SPINT2: variants seen among roughly 807,000 people sequenced by gnomAD.
SPINT2 encodes the protein serine peptidase inhibitor, Kunitz type 2, also known as kunitz-type protease inhibitor 2.
Under a neutral mutation model 30.1 loss-of-function variants are expected in SPINT2, and 18 were observed. That is an observed-to-expected ratio of 0.60 (90% CI 0.41 to 0.89). SPINT2 has a LOEUF of 0.89. SPINT2 is among the 40% of genes least tolerant of loss of function. The pLI, the probability that SPINT2 is intolerant of heterozygous loss-of-function variation, is 0.00. For missense variants in SPINT2, 276 were observed against 334.3 expected (o/e 0.83, Z 1.36); for synonymous variants, 139 against 137.9 (o/e 1.01, Z -0.05).
intron 2 of SPINT2, 127 bp from the exon 3 acceptor site, chr19:38,287,749 A>G (rs1166601665): frequency 5.0e-6 from 5 of 992,206 alleles, no homozygotes; most frequent in Non-Finnish European, 6.5e-6. Context: ...TCTGGCATGC[A>G]CATTGAAGGT....
chr19:38,285,933 C>G (rs1263867684), intron 2 of SPINT2, among the ~76,000 whole-genome samples: 1 of 152,166 alleles, frequency 6.6e-6, no homozygotes, highest in Non-Finnish European at 1.5e-5. Context: ...AGGAAGGGAG[C>G]TGAAGTGTTG....
intron 1 of SPINT2, among the ~76,000 whole-genome samples, chr19:38,269,172 A>G (rs1264429948): frequency 2.0e-5 from 3 of 151,746 alleles, no homozygotes; most frequent in African/African-American, 7.3e-5. Flanking sequence ...ATCTCAGCTC[A>G]CTGCAATCTC....
intron 1 of SPINT2, among the ~76,000 whole-genome samples, chr19:38,275,522 G>A (rs906346436): frequency 2.0e-5 from 3 of 151,814 alleles, no homozygotes; most frequent in South Asian, 2.1e-4. Context: ...ATGGGGTTTC[G>A]CCATGATAGC....
intron 1 of SPINT2, among the ~76,000 whole-genome samples, chr19:38,269,898 C>CAT (rs1448274479): frequency 6.6e-6 from 1 of 152,192 alleles, no homozygotes; most frequent in Non-Finnish European, 1.5e-5. Context: ...CGTGAGCCAC[C>CAT]GCGCCCGGCC....
chr19:38,274,823 A>AAC lies in SPINT2; in HGVS notation c.107-8803_107-8802insCA, dbSNP rs1555715730. 2.0e-5 allele frequency among the ~76,000 whole-genome samples: 3 copies of AAC among 151,940 alleles called. No individual in the cohort carries two copies. The East Asian group carries it at 5.8e-4, about 29-fold the overall frequency. ...GAGTGAGACTGTCTTAAAAAAAAAAAAAAACATAAAATGGAGAGGTAGACC... is the reference window on the plus strand; with the variant it reads ...GAGTGAGACTGTCTTAAAAAAAAAAAACAAAACATAAAATGGAGAGGTAGACC... On this transcript the variant is annotated intron_variant, in intron 1 of 6. Coordinates refer to ENST00000301244, the MANE Select transcript of SPINT2 (RefSeq NM_021102.4).
chr19:38,267,824 G>T (rs1369428196), intron 1 of SPINT2, among the ~76,000 whole-genome samples: 1 of 152,102 alleles, frequency 6.6e-6, no homozygotes, highest in Admixed American at 6.6e-5. Flanking sequence ...CAGATAACGT[G>T]CCAGGCGGGG....
At chr19:38,284,723 C>T (rs1968621743) in intron 2 of SPINT2, among the ~76,000 whole-genome samples, 1 of 152,066 alleles carries the variant, frequency 6.6e-6, no homozygotes, top group Non-Finnish European at 1.5e-5. Context: ...GACAGGGCTG[C>T]CCCTCTTGTT....
intron 3 of SPINT2, 100 bp from the exon 4 acceptor site, chr19:38,289,038 C>A (rs755302689): frequency 3.8e-6 from 4 of 1,045,394 alleles, no homozygotes; most frequent in African/African-American, 3.1e-5. Context: ...TTCTTAAAGG[C>A]GTGTCCACAC....
chr19:38,274,121 C>T (rs1046600045), intron 1 of SPINT2, among the ~76,000 whole-genome samples: 2 of 151,788 alleles, frequency 1.3e-5, no homozygotes, highest in African/African-American at 4.8e-5. Context: ...GTCCCAGCTA[C>T]TTGGAGGCTG....
intron 1 of SPINT2, among the ~76,000 whole-genome samples, chr19:38,266,714 C>T (rs547904077): frequency 1.3e-5 from 2 of 151,144 alleles, no homozygotes; most frequent in Non-Finnish European, 2.9e-5. Flanking sequence ...TGTACCAAGT[C>T]ATCACCTGTG....
intron 4 of SPINT2, chr19:38,289,855 C>T: frequency 1.9e-6 from 1 of 534,368 alleles, no homozygotes; most frequent in East Asian, 3.4e-5. Context: ...AGATAGGTCT[C>T]ATAGAGACTC....
chr19:38,280,701 T>G (rs547309418), intron 1 of SPINT2, among the ~76,000 whole-genome samples: 21 of 151,726 alleles, frequency 1.4e-4, no homozygotes, highest in Admixed American at 5.9e-4. Flanking sequence ...CTTACGAAGT[T>G]ACCGAATTCC....
intron 1 of SPINT2, among the ~76,000 whole-genome samples, chr19:38,272,052 A>G (rs1046745404): frequency 3.9e-5 from 6 of 152,062 alleles, no homozygotes; most frequent in Non-Finnish European, 8.8e-5. Context: ...ATGGTGAAAC[A>G]AAAAATACAA....
chr19:38,287,267 C>T (rs1448384826), intron 2 of SPINT2, among the ~76,000 whole-genome samples: 2 of 152,184 alleles, frequency 1.3e-5, no homozygotes, highest in African/African-American at 4.8e-5. Context: ...GGTGCGATTT[C>T]GGCTCACTGC....
chr19:38,269,738 G>A lies in SPINT2; in HGVS notation c.106+4740G>A, dbSNP rs541503771. On this transcript the variant is annotated intron_variant, in intron 1 of 6. Coordinates refer to ENST00000301244, the MANE Select transcript of SPINT2 (RefSeq NM_021102.4). ...CCATTCTCCTGCCTCAGCCTCCCGAGTACTGGGACTACAGGCACCTGCCGC... is the reference window on the plus strand; with the variant it reads ...CCATTCTCCTGCCTCAGCCTCCCGAATACTGGGACTACAGGCACCTGCCGC... Among the ~76,000 whole-genome samples the A allele has an allele frequency of 9.9e-5, 15 of 151,648 alleles. No individual in the cohort carries two copies. In the South Asian group the frequency reaches 2.9e-3, roughly 30 times the overall value.
chr19:38,276,494 C>T (rs894461431), intron 1 of SPINT2, among the ~76,000 whole-genome samples: 1 of 151,784 alleles, frequency 6.6e-6, no homozygotes, highest in East Asian at 2.0e-4. Context: ...ATACAAAAAT[C>T]AGCCGCGTGT....
chr19:38,288,280 C>T (rs1056272953), intron 3 of SPINT2: 2 of 412,680 alleles, frequency 4.8e-6, no homozygotes, highest in South Asian at 4.3e-5. Context: ...TCCCCACCCA[C>T]CCTCCTGTCT....
chr19:38,270,523 T>C (rs12610791), intron 1 of SPINT2, among the ~76,000 whole-genome samples: 14,369 of 152,260 alleles, frequency 0.094, 983 homozygotes, highest in East Asian at 0.28. Flanking sequence ...AATGTATGTC[T>C]GGTGATGAGT....
At chr19:38,291,750 C>A in intron 6 of SPINT2, 90 bp from the exon 7 acceptor site, 1 of 1,503,812 alleles carries the variant, frequency 6.6e-7, no homozygotes, top group Non-Finnish European at 9.0e-7. Context: ...CAGGCTGAGC[C>A]CACCTGGATT....
Sources: allele counts gnomAD v4.1 joint callset (sites outside exome capture counted in the v4.1 genomes callset), GRCh38; gene constraint gnomAD v4.1.1; transcripts MANE v1.5; gene names NCBI Gene and HGNC (gene_info 2026-07-23, HGNC 2026-07-21).